Variants in CLDN19 observed in about 807,000 individuals in gnomAD.
CLDN19 encodes claudin-19.
CLDN19 carries 19 observed loss-of-function variants against 24.5 expected under a neutral mutation model. That is an observed-to-expected ratio of 0.78 (90% CI 0.54 to 1.14). The LOEUF is 1.14. Ranked by LOEUF, CLDN19 falls within the 50% of genes most tolerant of loss-of-function variation. The pLI, the probability that CLDN19 is intolerant of heterozygous loss-of-function variation, is 0.00. For missense variants in CLDN19, 250 were observed against 295.9 expected (o/e 0.84, Z 1.14); for synonymous variants, 117 against 129.6 (o/e 0.90, Z 0.66).
rs1437925300 is a variant in CLDN19 at position 42,734,951 on chromosome 1, G to T, written c.*135C>A. 1.9e-5 allele frequency: 14 copies of T among 755,492 alleles called. No individual in the cohort carries two copies. The highest frequency in any genetic ancestry group is 2.7e-5 in the Non-Finnish European group (12 of 436,664). The allele number at this position is 755,492 out of a possible 1,614,324, so 46.8% of individuals were successfully genotyped here. ...GTCAGCACTGACCACTCTGACACAG[G>T]CCCCGTCCAAGCCACGCTGAGGACA... On this transcript the variant is annotated 3_prime_UTR_variant, in exon 5 of 5. Transcript: ENST00000296387.
Position 42,738,587 on chromosome 1 carries a change from T to A in CLDN19, c.224-2A>T. 1 of 1,613,010 alleles carries A rather than the reference T, an allele frequency of 6.2e-7. No homozygotes were observed. Among genetic ancestry groups the A allele is most frequent in the Non-Finnish European group, 8.5e-7 (1 of 1,179,660 alleles). On this transcript the variant is annotated splice_acceptor_variant, in intron 1 of 4. Coordinates refer to ENST00000296387, the MANE Select transcript of CLDN19 (RefSeq NM_148960.3). LOFTEE classifies it high-confidence loss of function. The stretch of plus-strand genomic sequence containing the variant: ...GGGCCCGCGCTGATTGGATGTGACC[T>A]AGGGTGGGCGGGATGACACTGAGTC...
intron 1 of CLDN19, among the ~76,000 whole-genome samples, chr1:42,739,368 G>A (rs746387): frequency 0.042 from 6,412 of 152,318 alleles, 209 homozygotes; most frequent in Non-Finnish European, 0.064. Flanking sequence ...GCATGTGCAC[G>A]TGTGTGCGTG....
intron 3 of CLDN19, among the ~76,000 whole-genome samples, chr1:42,736,679 G>A (rs535837155): frequency 6.6e-6 from 1 of 152,272 alleles, no homozygotes; most frequent in East Asian, 1.9e-4. Context: ...CATCCTCTGT[G>A]TTCACCCCGC....
At chr1:42,735,286 G>A in intron 4 of CLDN19, 152 bp from the exon 5 acceptor site, 2 of 1,524,164 alleles carry the variant, frequency 1.3e-6, no homozygotes, top group South Asian at 2.5e-5. Flanking sequence ...CCCGGGGGCA[G>A]GGGCGCCATG....
rs774787770 is a variant in CLDN19, at chr1:42,739,809, C to T, written c.223+32G>A. On this transcript the variant is annotated intron_variant, in intron 1 of 4. Coordinates refer to ENST00000296387, the MANE Select transcript of CLDN19 (RefSeq NM_148960.3). Reference sequence around the variant, plus strand: ...CCAGACTCCCCTGCTGTTCCCACCTCCCATCTCCCACCCCGCCGGCCTGGG... The same window carrying T: ...CCAGACTCCCCTGCTGTTCCCACCTTCCATCTCCCACCCCGCCGGCCTGGG... 7.5e-6 allele frequency: 12 copies of T among 1,592,984 alleles called. No homozygotes were observed. The Admixed American group carries it at 1.7e-4, about 22-fold the overall frequency.
At chr1:42,739,475 C>T (rs1307763947) in intron 1 of CLDN19, among the ~76,000 whole-genome samples, 1 of 152,200 alleles carries the variant, frequency 6.6e-6, no homozygotes, top group Admixed American at 6.5e-5. Flanking sequence ...CAGTGTGTGT[C>T]TGTCTACTGA....
chr1:42,735,531 G>A (rs780389459), intron 4 of CLDN19: 87 of 1,416,232 alleles, frequency 6.1e-5, no homozygotes, highest in Non-Finnish European at 7.8e-5. Context: ...GGCCCAGCAC[G>A]TAGCAGACAC....
Position 42,739,842 on chromosome 1 carries a change from G to T in CLDN19, c.222C>A (p.Asp74Glu), listed in dbSNP as rs1279756315. 2 of 1,612,556 alleles carry T rather than the reference G, an allele frequency of 1.2e-6. No homozygotes were observed. The highest frequency in any genetic ancestry group is 8.5e-7 in the Non-Finnish European group (1 of 1,179,666). Residue 74 changes from aspartate to glutamate, a missense_variant and splice_region_variant, in exon 1 of 5, where the codon GAC (aspartate) becomes GAA (glutamate). Transcript: ENST00000296387. ...CKLYDSLLAL[D>E]GHIQSARALM... Reference sequence around the variant, plus strand: ...CCACCCCGCCGGCCTGGGGCCTACCGTCCAGGGCGAGCAGCGAGTCGTAGA... The same window carrying T: ...CCACCCCGCCGGCCTGGGGCCTACCTTCCAGGGCGAGCAGCGAGTCGTAGA...
At chr1:42,738,877 T>C (rs1053270610) in intron 1 of CLDN19, among the ~76,000 whole-genome samples, 2 of 152,166 alleles carry the variant, frequency 1.3e-5, no homozygotes, top group African/African-American at 4.8e-5. Flanking sequence ...GGACTCCCTC[T>C]TGGGCTTGGC....
intron 1 of CLDN19, among the ~76,000 whole-genome samples, chr1:42,738,915 T>TCC (rs2124046940): frequency 6.6e-6 from 1 of 152,162 alleles, no homozygotes; most frequent in South Asian, 2.1e-4. Context: ...TGAGGGCAGC[T>TCC]CCAGGGTCCC....
chr1:42,738,194 G>A, intron 3 of CLDN19, 35 bp downstream of exon 3: 1 of 1,515,118 alleles, frequency 6.6e-7, no homozygotes, highest in Non-Finnish European at 9.2e-7. Flanking sequence ...GGCCCCAGAG[G>A]AGGTAAAGCA....
intron 1 of CLDN19, among the ~76,000 whole-genome samples, chr1:42,739,273 AG>A (rs1246754803): frequency 1.3e-5 from 2 of 152,160 alleles, no homozygotes; most frequent in Non-Finnish European, 2.9e-5. Context: ...TCCACCCCAG[AG>A]TTAGAACTTC....
chr1:42,735,994 G>C lies in CLDN19; in HGVS notation c.510C>G (p.Ala170=), dbSNP rs1651358674. Residue 170 remains alanine (A), a synonymous_variant, in exon 4 of 5, where the codon GCC becomes GCG. Coordinates refer to ENST00000296387, the MANE Select transcript of CLDN19 (RefSeq NM_148960.3). The stretch of plus-strand genomic sequence containing the variant: ...CGCCCAGCACGGCCAGGCCAGCTGA[G>C]GCCCAGCCCACGAACAGGGCTGGGC... ...EFGPALFVGW[A]SAGLAVLGGS... is the part of the protein sequence containing the mutation. 6.3e-7 allele frequency: 1 copy of C among 1,576,526 alleles called. No homozygotes were observed. The highest frequency in any genetic ancestry group is 1.2e-5 in the South Asian group (1 of 86,030).
At position 42,734,964 on chromosome 1, in the gene CLDN19, C is replaced by T. The variant is rs1651306549; in HGVS notation, c.*122G>A. The T allele has an allele frequency of 2.4e-6, 2 of 842,304 alleles. No individual in the cohort carries two copies. Among genetic ancestry groups the T allele is most frequent in the Admixed American group, 2.1e-5 (1 of 48,130 alleles). 52.2% of individuals were successfully genotyped at this position (842,304 alleles called of 1,614,324 possible). On this transcript the variant is annotated 3_prime_UTR_variant, in exon 5 of 5. Transcript: ENST00000296387. ...ACTCTGACACAGGCCCCGTCCAAGC[C>T]ACGCTGAGGACAGACCGAATGATAC...
At chr1:42,738,360 G>A (rs1466820740) in intron 2 of CLDN19, 47 bp from the exon 3 acceptor site, 2 of 1,613,410 alleles carry the variant, frequency 1.2e-6, no homozygotes, top group East Asian at 2.2e-5. Context: ...GGCCCCCCGA[G>A]GCCACTGGGG....
chr1:42,739,811 C>T (rs1300340261), intron 1 of CLDN19, 30 bp downstream of exon 1: 2 of 1,596,348 alleles, frequency 1.3e-6, no homozygotes, highest in Non-Finnish European at 1.7e-6. Context: ...TCCCACCTCC[C>T]ATCTCCCACC....
Position 42,735,389 on chromosome 1 carries a change from A to G in CLDN19, c.627-255T>C, listed in dbSNP as rs1205745945. On this transcript the variant is annotated intron_variant, in intron 4 of 4. Transcript: ENST00000296387. ...CTCAGACCCTCCCTGTCCTTGTGTG[A>G]ACGTTCAGCATCCCGGCACTGCCCT... is the stretch of plus-strand genomic sequence containing the variant. 8 of 1,427,378 alleles carry G rather than the reference A, an allele frequency of 5.6e-6. No individual in the cohort carries two copies. In the South Asian group the frequency reaches 6.0e-5, roughly 11 times the overall value. 88.4% of individuals were successfully genotyped at this position (1,427,378 alleles called of 1,614,324 possible). A position where few individuals can be genotyped will look rare whatever the true frequency, so the allele number is the denominator to read the frequency against.
rs1055662634 is a variant in CLDN19, at chr1:42,740,161, G to T, written c.-98C>A. The T allele has an allele frequency of 1.0e-5, 9 of 895,448 alleles. No homozygotes were observed. Among genetic ancestry groups the T allele is most frequent in the African/African-American group, 1.7e-5 (1 of 60,580 alleles). The allele number at this position is 895,448 out of a possible 1,614,324, so 55.5% of individuals were successfully genotyped here. On this transcript the variant is annotated 5_prime_UTR_variant, in exon 1 of 5. In the 5' UTR this introduces an upstream ATG that the reference lacks. Transcript: ENST00000296387. ...GCCAGGTGGGAGGAGCAGCTGGGCA[G>T]GGGGAGCAGCGAGAAGGAGGGTCAG...
intron 3 of CLDN19, among the ~76,000 whole-genome samples, chr1:42,736,859 C>T (rs1004259164): frequency 2.6e-5 from 4 of 152,140 alleles, no homozygotes; most frequent in African/African-American, 9.7e-5. Flanking sequence ...GATCGGGGGC[C>T]GAGTCCTATC....
Sources: gnomAD v4.1 joint callset for allele counts (sites outside exome capture counted in the v4.1 genomes callset) on GRCh38, gnomAD v4.1.1 for gene constraint, MANE v1.5 for transcripts, NCBI Gene and HGNC (gene_info 2026-07-23, HGNC 2026-07-21) for gene names.